Variants in ERMAP observed in about 807,000 individuals in gnomAD.
ERMAP encodes erythroblast membrane associated protein (Scianna blood group), also known as erythroid membrane-associated protein.
ERMAP carries 34 observed loss-of-function variants against 49.5 expected under a neutral mutation model. The ratio of observed to expected loss-of-function variants is 0.69; its 90% CI spans 0.52 to 0.91. ERMAP has a LOEUF of 0.91. Ranked by LOEUF, ERMAP falls within the 40% of genes least tolerant of loss-of-function variation. The probability of loss-of-function intolerance (pLI) is 0.00; values close to 1 mark genes in which losing one functional copy is unlikely to be tolerated. For synonymous variants in ERMAP, 214 were observed against 232.2 expected, an observed-to-expected ratio of 0.92 and a Z score of 0.71; for missense variants, 541 against 582.6, an observed-to-expected ratio of 0.93 and a Z score of 0.74.
chr1:42,837,215 T>C (rs779974745), intron 7 of ERMAP, 25 bp downstream of exon 7: 12 of 1,608,538 alleles, frequency 7.5e-6, no homozygotes, highest in South Asian at 1.1e-5. Flanking sequence ...GAGTAAGGGG[T>C]AGGGAACAAA....
rs762038820 is a variant in ERMAP at position 42,830,534 on chromosome 1, G to C, written c.85+1G>C. The C allele has an allele frequency of 6.2e-7, 1 of 1,613,730 alleles. No homozygotes were observed. The highest frequency in any genetic ancestry group is 2.2e-5 in the East Asian group (1 of 44,866). On this transcript the variant is annotated splice_donor_variant, in intron 3 of 11. Coordinates refer to ENST00000372517, the MANE Select transcript of ERMAP (RefSeq NM_001017922.2). LOFTEE classifies it high-confidence loss of function. The stretch of plus-strand genomic sequence containing the variant: ...CTCCGGCTGTCTGTGCATGTGTCAG[G>C]TAGGAGTTTCTGATCCTCTTTCCCT...
chr1:42,825,736 G>A lies in ERMAP; in HGVS notation c.-8G>A. The A allele has an allele frequency of 7.8e-7, 1 of 1,289,384 alleles. No homozygotes were observed. The highest frequency in any genetic ancestry group is 1.2e-5 in the South Asian group (1 of 81,038). The allele number at this position is 1,289,384 out of a possible 1,614,324, so 79.9% of individuals were successfully genotyped here. The stretch of plus-strand genomic sequence containing the variant: ...GGAACAAGCGTCCCTGATCCAGAAG[G>A]TGGTGAGTCCTCCTCTCTCTCTTCA... On this transcript the variant is annotated splice_region_variant and 5_prime_UTR_variant, in exon 2 of 12. The change creates a new upstream start codon in the 5' untranslated region. Coordinates refer to ENST00000372517, the MANE Select transcript of ERMAP (RefSeq NM_001017922.2).
chr1:42,830,702 C>T, intron 3 of ERMAP, 66 bp from the exon 4 acceptor site: 1 of 1,446,502 alleles, frequency 6.9e-7, no homozygotes, highest in Non-Finnish European at 9.2e-7. Flanking sequence ...ATATCCTCTT[C>T]CTCATCCCTT....
chr1:42,834,600 G>T, intron 4 of ERMAP: 1 of 280,590 alleles, frequency 3.6e-6, no homozygotes. Flanking sequence ...TTGTCACCCA[G>T]GCTGGAGTAC....
In ERMAP at chr1:42,844,211, G is replaced by T. The variant is rs1655150487; in HGVS notation, c.*979G>T. ...ACAGCCTCTTAGGTTGGAGAGTATT[G>T]ATTTCAAATAGGAAGTTGGTAGACT... is the stretch of plus-strand genomic sequence containing the variant. On this transcript the variant is annotated 3_prime_UTR_variant, in exon 12 of 12. Transcript: ENST00000372517. This position sits in a 1 kb window ranked among gnomAD's most constrained non-coding sequence, Gnocchi z 4.0. 2 of 398,224 alleles carry T rather than the reference G, an allele frequency of 5.0e-6. No homozygotes were observed. The allele number at this position is 398,224 out of a possible 1,614,324, so 24.7% of individuals were successfully genotyped here. A position where few individuals can be genotyped will look rare whatever the true frequency, so the allele number is the denominator to read the frequency against.
intron 4 of ERMAP, among the ~76,000 whole-genome samples, chr1:42,831,575 C>CTTTTTTTTTTTTTTTTTTTT (rs796367653): frequency 2.4e-5 from 2 of 84,010 alleles, no homozygotes; most frequent in Non-Finnish European, 4.2e-5. Flanking sequence ...TTTTTTTTCT[C>CTTTTTTTTTTTTTTTTTTTT]TTTTTTTTTT....
At chr1:42,838,621 T>C (rs1332732742) in intron 7 of ERMAP, among the ~76,000 whole-genome samples, 2 of 151,908 alleles carry the variant, frequency 1.3e-5, no homozygotes, top group Admixed American at 6.6e-5. Context: ...TACAAACATA[T>C]AGAAACACTC....
At chr1:42,834,984 C>A (rs201936238) in intron 4 of ERMAP, 54 bp from the exon 5 acceptor site, 39 of 799,796 alleles carry the variant, frequency 4.9e-5, no homozygotes, top group Non-Finnish European at 8.7e-5. Context: ...CTGAGGCATG[C>A]CAGAAGCTCT....
chr1:42,827,150 CAAAACAGTATAT>C (rs912719486), intron 2 of ERMAP, among the ~76,000 whole-genome samples: 1 of 152,094 alleles, frequency 6.6e-6, no homozygotes, highest in African/African-American at 2.4e-5. Flanking sequence ...TATCAGGTAT[CAAAACAGTATAT>C]AAAGTATTTA....
At chr1:42,818,785 A>G (rs1436434627) in intron 1 of ERMAP, among the ~76,000 whole-genome samples, 1 of 152,138 alleles carries the variant, frequency 6.6e-6, no homozygotes, top group African/African-American at 2.4e-5. Flanking sequence ...CAAAATTTCT[A>G]CAGTAAACGT....
chr1:42,832,178 AATTTTTTTTTTT>A (rs1445493654), intron 4 of ERMAP, among the ~76,000 whole-genome samples: 1 of 120,508 alleles, frequency 8.3e-6, no homozygotes. Flanking sequence ...GGTGAAAATT[AATTTTTTTTTTT>A]TTTTTTTTTT....
chr1:42,844,060 G>A lies in ERMAP; in HGVS notation c.*828G>A, dbSNP rs1229332260. 1 of 398,482 alleles carries A rather than the reference G, an allele frequency of 2.5e-6. No individual in the cohort carries two copies. Among genetic ancestry groups the A allele is most frequent in the Non-Finnish European group, 4.4e-6 (1 of 226,084 alleles). The allele number at this position is 398,482 out of a possible 1,614,324, so 24.7% of individuals were successfully genotyped here. On this transcript the variant is annotated 3_prime_UTR_variant, in exon 12 of 12. Transcript: ENST00000372517. This position sits in a 1 kb window ranked among gnomAD's most constrained non-coding sequence, Gnocchi z 4.0. Reference sequence around the variant, plus strand: ...TGACTGTCTTATGAATCAATCTGTTGTGCCAACCCTTTCTGAGATTCAGAG... The same window carrying A: ...TGACTGTCTTATGAATCAATCTGTTATGCCAACCCTTTCTGAGATTCAGAG...
intron 1 of ERMAP, among the ~76,000 whole-genome samples, chr1:42,818,624 T>G (rs570810484): frequency 1.1e-4 from 16 of 152,140 alleles, no homozygotes; most frequent in Non-Finnish European, 2.4e-4. Flanking sequence ...CACACCATCA[T>G]GCCTGGCTAA....
rs1174827634 is a variant in ERMAP at position 42,842,499 on chromosome 1, G to A, written c.713-18G>A. 1.9e-6 allele frequency: 3 copies of A among 1,602,020 alleles called. No homozygotes were observed. The highest frequency in any genetic ancestry group is 1.1e-5 in the South Asian group (1 of 89,096). On this transcript the variant is annotated intron_variant, in intron 11 of 11. Transcript: ENST00000372517. ...AGACCTATACTTCCAAGCCTCACCT[G>A]TCTGTGTCTCTTTGCAGTGGCAGTG...
At chr1:42,822,984 T>G (rs533146460) in intron 1 of ERMAP, among the ~76,000 whole-genome samples, 2 of 152,252 alleles carry the variant, frequency 1.3e-5, no homozygotes, top group Non-Finnish European at 1.5e-5. Flanking sequence ...ATATTTTAGA[T>G]GTCTGGCTTA....
rs34993626 is a variant in ERMAP at position 42,842,483 on chromosome 1, C to G, written c.713-34C>G. 3.1e-3 allele frequency: 4,820 copies of G among 1,579,576 alleles called. 134 individuals are homozygous for G. In the African/African-American group the frequency reaches 0.057, roughly 19 times the overall value. ...ATCCCCAAATCCCTTAAGACCTATA[C>G]TTCCAAGCCTCACCTGTCTGTGTCT... On this transcript the variant is annotated intron_variant, in intron 11 of 11. Coordinates refer to ENST00000372517, the MANE Select transcript of ERMAP (RefSeq NM_001017922.2).
chr1:42,817,467 A>G (rs1309853300), intron 1 of ERMAP: 1 of 179,174 alleles, frequency 5.6e-6, no homozygotes, highest in Admixed American at 6.5e-5. Context: ...GCAGGGGCGG[A>G]GCCACACCGG....
chr1:42,822,549 T>A (rs1232868466), intron 1 of ERMAP, among the ~76,000 whole-genome samples: 1 of 152,254 alleles, frequency 6.6e-6, no homozygotes, highest in African/African-American at 2.4e-5. Flanking sequence ...TTTTGATACA[T>A]ACAATGTGTA....
intron 2 of ERMAP, among the ~76,000 whole-genome samples, chr1:42,828,023 A>C (rs1268732102): frequency 1.3e-5 from 2 of 152,102 alleles, no homozygotes; most frequent in Non-Finnish European, 1.5e-5. Flanking sequence ...GCAATATCAT[A>C]ATTAGAAACA....
Sources: allele counts gnomAD v4.1 joint callset (sites outside exome capture counted in the v4.1 genomes callset), GRCh38; gene constraint gnomAD v4.1.1; non-coding constraint Gnocchi (gnomAD v3.1); transcripts MANE v1.5; gene names NCBI Gene and HGNC (gene_info 2026-07-23, HGNC 2026-07-21).